SHISA9: variants seen among roughly 807,000 people sequenced by gnomAD.
SHISA9 encodes shisa family member 9, also known as protein shisa-9.
In SHISA9, 13 loss-of-function variants were observed where a neutral mutation model predicts 38.0. The observed-to-expected ratio is 0.34, with a 90% confidence interval of 0.22 to 0.54. The LOEUF (loss-of-function observed/expected upper bound fraction) is 0.54. Among genes scored for constraint, SHISA9 ranks in the 20% least tolerant of loss-of-function variants. SHISA9 has a pLI of 0.91. For synonymous variants in SHISA9, 275 were observed against 242.0 expected (o/e 1.14, Z -1.27); for missense variants, 538 against 575.8 (o/e 0.93, Z 0.67).
At chr16:13,149,466 A>G (rs564853019) in intron 2 of SHISA9, among the ~76,000 whole-genome samples, 110 of 152,284 alleles carry the variant, frequency 7.2e-4, no homozygotes, top group African/African-American at 2.6e-3. Context: ...GGTTGGGGGT[A>G]GTATAGCGTA....
Position 13,130,720 on chromosome 16 carries a change from T to C in SHISA9, c.692-72674T>C, listed in dbSNP as rs182142492. 7.9e-5 allele frequency among the ~76,000 whole-genome samples: 12 copies of C among 152,330 alleles called. No homozygotes were observed. In the East Asian group the frequency reaches 2.3e-3, roughly 29 times the overall value. ...GCTGGATAGTGAATATTTTAGACTTTGTGTACCATGCAATCTCTGTTCAAC... is the reference window on the plus strand; with the variant it reads ...GCTGGATAGTGAATATTTTAGACTTCGTGTACCATGCAATCTCTGTTCAAC... On this transcript the variant is annotated intron_variant, in intron 2 of 4. Transcript: ENST00000558583.
chr16:13,358,228 A>G, the SHISA9 span, among the ~76,000 whole-genome samples: 1 of 152,122 alleles, frequency 6.6e-6, no homozygotes, highest in Non-Finnish European at 1.5e-5. Flanking sequence ...CAATGGACTA[A>G]AAGACCTGAT....
the SHISA9 span, among the ~76,000 whole-genome samples, chr16:13,352,703 G>GGC: frequency 8.3e-5 from 1 of 12,052 alleles, no homozygotes; most frequent in Admixed American, 7.2e-4. Flanking sequence ...GAGATAAGGG[G>GGC]GGGGGGGGGC....
At chr16:13,113,439 G>A (rs1464685575) in intron 2 of SHISA9, among the ~76,000 whole-genome samples, 1 of 152,122 alleles carries the variant, frequency 6.6e-6, no homozygotes, top group African/African-American at 2.4e-5. Context: ...TACCAAGCCT[G>A]GAGATTGTTG....
In SHISA9 at chr16:12,983,279, C is replaced by A. The variant is rs1472232724; in HGVS notation, c.691+66464C>A. On this transcript the variant is annotated intron_variant, in intron 2 of 4. Transcript: ENST00000558583. ...GGACAAGTTTTGATTCCTTATCCTGCCACTTTCAAGCTGTGTGAGCTTGGA... is the reference window on the plus strand; with the variant it reads ...GGACAAGTTTTGATTCCTTATCCTGACACTTTCAAGCTGTGTGAGCTTGGA... 2.0e-5 allele frequency among the ~76,000 whole-genome samples: 3 copies of A among 152,160 alleles called. No homozygotes were observed. The South Asian group carries it at 6.2e-4, about 32-fold the overall frequency.
At chr16:13,253,953 G>A in the SHISA9 span, among the ~76,000 whole-genome samples, 4 of 151,624 alleles carry the variant, frequency 2.6e-5, no homozygotes, top group African/African-American at 4.8e-5. Context: ...TTTTCTTCAG[G>A]GAGACTGAAA....
At chr16:13,366,370 C>T in the SHISA9 span, among the ~76,000 whole-genome samples, 1 of 152,172 alleles carries the variant, frequency 6.6e-6, no homozygotes, top group African/African-American at 2.4e-5. Flanking sequence ...TTTTCATTTA[C>T]AGTGTCAATA....
rs1418182445 is a variant in SHISA9, at chr16:13,237,118, TA to T, written c.*1712del. ...ACAGCAACTCTGGTGTCAGAAGCTA[TA>T]AATGGTCTGGCCAAACAAGACTCAG... On this transcript the variant is annotated 3_prime_UTR_variant, in exon 5 of 5. Coordinates refer to ENST00000558583, the MANE Select transcript of SHISA9 (RefSeq NM_001145204.3). 1 of 152,200 alleles carries T rather than the reference TA, an allele frequency of 6.6e-6. No individual in the cohort carries two copies. The highest frequency in any genetic ancestry group is 1.9e-4 in the East Asian group (1 of 5,198). 9.4% of individuals were successfully genotyped at this position (152,200 alleles called of 1,614,324 possible).
the SHISA9 span, among the ~76,000 whole-genome samples, chr16:13,453,443 T>C: frequency 6.6e-6 from 1 of 151,520 alleles, no homozygotes; most frequent in Admixed American, 6.6e-5. Flanking sequence ...CCTGTGTGAG[T>C]TTTTTCTTGC....
At chr16:13,115,292 G>A (rs1367983606) in intron 2 of SHISA9, among the ~76,000 whole-genome samples, 1 of 152,122 alleles carries the variant, frequency 6.6e-6, no homozygotes, top group Admixed American at 6.5e-5. Context: ...GAAATCAGGG[G>A]TCTCACAGCC....
intron 2 of SHISA9, among the ~76,000 whole-genome samples, chr16:13,093,839 C>T (rs2141950669): frequency 6.6e-6 from 1 of 152,310 alleles, no homozygotes; most frequent in Non-Finnish European, 1.5e-5. Flanking sequence ...CAAACTAGTT[C>T]AGATGCAATT....
intron 2 of SHISA9, among the ~76,000 whole-genome samples, chr16:13,025,863 T>C (rs994183165): frequency 1.3e-5 from 2 of 152,252 alleles, no homozygotes; most frequent in African/African-American, 4.8e-5. Flanking sequence ...TGGAGTACAA[T>C]GGTGTGATCC....
the SHISA9 span, among the ~76,000 whole-genome samples, chr16:13,296,088 T>C: frequency 6.6e-6 from 1 of 152,206 alleles, no homozygotes; most frequent in African/African-American, 2.4e-5. Flanking sequence ...GTCACTCTCA[T>C]AGCCTACTTG....
the SHISA9 span, among the ~76,000 whole-genome samples, chr16:13,375,645 C>G: frequency 6.6e-6 from 1 of 151,868 alleles, no homozygotes; most frequent in Non-Finnish European, 1.5e-5. Context: ...AAAAAGAAAA[C>G]TAAGAAAACA....
intron 2 of SHISA9, among the ~76,000 whole-genome samples, chr16:12,977,675 G>A (rs1195332813): frequency 6.6e-6 from 1 of 152,108 alleles, no homozygotes; most frequent in Non-Finnish European, 1.5e-5. Context: ...CAGGGACATG[G>A]ATGGAGCTGG....
intron 1 of SHISA9, chr16:12,911,703 CTG>C (rs1230591441): frequency 1.3e-5 from 2 of 152,174 alleles, no homozygotes; most frequent in Non-Finnish European, 2.9e-5. Flanking sequence ...TCTCAATAGA[CTG>C]TAATTGTTTT....
At chr16:13,395,261 C>T in the SHISA9 span, among the ~76,000 whole-genome samples, 2 of 152,178 alleles carry the variant, frequency 1.3e-5, no homozygotes, top group South Asian at 2.1e-4. Context: ...AACAACAGCT[C>T]AAATGAACTT....
At chr16:13,161,121 T>C (rs1166188898) in intron 2 of SHISA9, among the ~76,000 whole-genome samples, 2 of 152,188 alleles carry the variant, frequency 1.3e-5, no homozygotes, top group Non-Finnish European at 2.9e-5. Context: ...TTTTCTGTCC[T>C]GGCTGGCTCC....
chr16:13,141,393 A>G (rs2050400383), intron 2 of SHISA9, among the ~76,000 whole-genome samples: 1 of 152,084 alleles, frequency 6.6e-6, no homozygotes, highest in African/African-American at 2.4e-5. Flanking sequence ...ATTTTTTATT[A>G]TTAAAGAGAT....
Sources: gnomAD v4.1 joint callset for allele counts (sites outside exome capture counted in the v4.1 genomes callset) on GRCh38, gnomAD v4.1.1 for gene constraint, MANE v1.5 for transcripts, NCBI Gene and HGNC (gene_info 2026-07-23, HGNC 2026-07-21) for gene names.